EFNA2: variants seen among roughly 807,000 people sequenced by gnomAD.
The protein encoded by EFNA2 is ephrin A2, also known as ephrin-A2.
EFNA2 carries 18 observed loss-of-function variants against 19.7 expected under a neutral mutation model. The observed-to-expected ratio is 0.91, with a 90% CI of 0.63 to 1.35. The LOEUF is 1.35. EFNA2 is among the 40% of genes most tolerant of loss of function. The pLI is 0.00. For synonymous variants in EFNA2, 187 were observed against 137.8 expected (o/e 1.36, Z -2.50); for missense variants, 303 against 296.0 (o/e 1.02, Z -0.17).
intron 1 of EFNA2, among the ~76,000 whole-genome samples, chr19:1,288,847 TC>T (rs2081478158): frequency 6.6e-6 from 1 of 152,060 alleles, no homozygotes; most frequent in South Asian, 2.1e-4. Flanking sequence ...TCCAACCCAC[TC>T]CCCAACCTGG....
Position 1,294,605 on chromosome 19 carries a change from G to T in EFNA2, c.141-940G>T, listed in dbSNP as rs1411930754. Among the ~76,000 whole-genome samples, 1 of 152,084 alleles carries T rather than the reference G, an allele frequency of 6.6e-6. No individual in the cohort carries two copies. The highest frequency in any genetic ancestry group is 1.5e-5 in the Non-Finnish European group (1 of 68,002). On this transcript the variant is annotated intron_variant, in intron 1 of 3. Coordinates refer to ENST00000215368, the MANE Select transcript of EFNA2 (RefSeq NM_001405.4). The surrounding 1 kb of genome is among the most constrained non-coding windows in gnomAD (Gnocchi z 5.8). ...GGGTCACACAGGAAGGCAGGGGTGGGGCTGGGAGTGGAGCCCAGGATGTCT... is the reference window on the plus strand; with the variant it reads ...GGGTCACACAGGAAGGCAGGGGTGGTGCTGGGAGTGGAGCCCAGGATGTCT...
rs955141521 is a variant in EFNA2 at position 1,296,289 on chromosome 19, C to T, written c.454+431C>T. ...GGTTGGGCCAGTAGACCTGGCTCAGCCCCCCGATAGCGAGACCAGGGTGCC... is the reference window on the plus strand; with the variant it reads ...GGTTGGGCCAGTAGACCTGGCTCAGTCCCCCGATAGCGAGACCAGGGTGCC... On this transcript the variant is annotated intron_variant, in intron 2 of 3. Transcript: ENST00000215368. The surrounding 1 kb of genome is among the most constrained non-coding windows in gnomAD (Gnocchi z 4.4). Among the ~76,000 whole-genome samples, 3 of 152,136 alleles carry T rather than the reference C, an allele frequency of 2.0e-5. No individual in the cohort carries two copies. The highest frequency in any genetic ancestry group is 4.8e-5 in the African/African-American group (2 of 41,438).
upstream of EFNA2, among the ~76,000 whole-genome samples, chr19:1,284,282 T>C (rs1555757370): frequency 6.6e-6 from 1 of 152,236 alleles, no homozygotes; most frequent in Non-Finnish European, 1.5e-5. The surrounding 1 kb of genome is among the most constrained non-coding windows in gnomAD (Gnocchi z 5.3). Flanking sequence ...CCAGAGGGCC[T>C]GCCTCAGCCA....
chr19:1,289,240 C>T (rs966288533), intron 1 of EFNA2, among the ~76,000 whole-genome samples: 5 of 152,360 alleles, frequency 3.3e-5, no homozygotes, highest in Admixed American at 6.5e-5. Context: ...GTGGCACCCG[C>T]GTTTGCATGT....
At chr19:1,298,671 C>T in intron 3 of EFNA2, 55 bp downstream of exon 3, 1 of 1,589,930 alleles carries the variant, frequency 6.3e-7, no homozygotes, top group Non-Finnish European at 8.6e-7. Context: ...TGTCCTAAAC[C>T]CACAGAACCA....
In EFNA2 at chr19:1,298,612, G is replaced by C. The variant is rs377098217; in HGVS notation, c.516G>C (p.Pro172=). The C allele has an allele frequency of 1.9e-6, 3 of 1,613,836 alleles. No individual in the cohort carries two copies. The African/African-American group carries it at 4.0e-5, about 22-fold the overall frequency. Residue 172 remains proline, a synonymous_variant, in exon 3 of 4, where the codon CCG becomes CCC. Transcript: ENST00000215368. ...PCLRLKVYVR[P]TNETLYEAPE... Reference sequence around the variant, plus strand: ...TGCGACTGAAGGTGTACGTGCGGCCGACCAGTAAGTGCTCAGGGGGATGGG... The same window carrying C: ...TGCGACTGAAGGTGTACGTGCGGCCCACCAGTAAGTGCTCAGGGGGATGGG...
At position 1,287,825 on chromosome 19, in the gene EFNA2, G is replaced by A. The variant is rs543710816; in HGVS notation, c.140+1517G>A. 1.9e-4 allele frequency among the ~76,000 whole-genome samples: 29 copies of A among 152,362 alleles called. No homozygotes were observed. The highest frequency in any genetic ancestry group is 6.3e-4 in the African/African-American group (26 of 41,580). ...TTTGGTTTCAGCTGCGGAATCTCCCGTCCCCAGCGTGGCCTGTCCTTTGTT... is the reference window on the plus strand; with the variant it reads ...TTTGGTTTCAGCTGCGGAATCTCCCATCCCCAGCGTGGCCTGTCCTTTGTT... On this transcript the variant is annotated intron_variant, in intron 1 of 3. Transcript: ENST00000215368. This position sits in a 1 kb window ranked among gnomAD's most constrained non-coding sequence, Gnocchi z 6.2.
At chr19:1,290,518 C>T (rs1352037415) in intron 1 of EFNA2, among the ~76,000 whole-genome samples, 1 of 152,170 alleles carries the variant, frequency 6.6e-6, no homozygotes, top group African/African-American at 2.4e-5. Context: ...CTCGGGGTCA[C>T]GGCGGAGGCA....
intron 1 of EFNA2, among the ~76,000 whole-genome samples, chr19:1,293,762 C>T (rs763018643): frequency 2.2e-4 from 33 of 152,246 alleles, no homozygotes; most frequent in Non-Finnish European, 4.9e-4. Context: ...CCTCCGCCGC[C>T]CTGCCTTGAA....
At chr19:1,292,887 A>G (rs1442354739) in intron 1 of EFNA2, among the ~76,000 whole-genome samples, 2 of 152,132 alleles carry the variant, frequency 1.3e-5, no homozygotes, top group East Asian at 3.9e-4. Flanking sequence ...GGTCTCTGAC[A>G]TTTTACCGAA....
chr19:1,298,563 C>T lies in EFNA2; in HGVS notation c.467C>T (p.Pro156Leu). 1 of 1,614,016 alleles carries T rather than the reference C, an allele frequency of 6.2e-7. No homozygotes were observed. Among genetic ancestry groups the T allele is most frequent in the South Asian group, 1.1e-5 (1 of 91,062 alleles). ...CCCTCTCTTCTAGCTGCCACGCCTC[C>T]CAATGCTGTGGACCGGCCCTGCCTG... ...HEYYYISATP[P>L]NAVDRPCLRL... Residue 156 changes from proline to leucine, a missense_variant, in exon 3 of 4, where the codon CCC becomes CTC. Pro to Leu is a moderately conservative substitution (Grantham distance 98, BLOSUM62 -3). Coordinates refer to ENST00000215368, the MANE Select transcript of EFNA2 (RefSeq NM_001405.4).
intron 1 of EFNA2, among the ~76,000 whole-genome samples, chr19:1,289,810 G>A (rs1285479168): frequency 6.6e-6 from 1 of 152,310 alleles, no homozygotes; most frequent in Non-Finnish European, 1.5e-5. Context: ...AGGTGAACGG[G>A]GTGTCTCGCT....
chr19:1,285,567 T>C (rs2081459304), upstream of EFNA2, among the ~76,000 whole-genome samples: 1 of 151,972 alleles, frequency 6.6e-6, no homozygotes, highest in Non-Finnish European at 1.5e-5. This position sits in a 1 kb window ranked among gnomAD's most constrained non-coding sequence, Gnocchi z 4.1. Context: ...AGGCTGCGGA[T>C]AGCGCTGGAA....
chr19:1,287,623 C>T lies in EFNA2; in HGVS notation c.140+1315C>T, dbSNP rs1023134881. ...CAGGCCCACCCCCCACCCTGGTCAA[C>T]GGCCTCGGGTCGGGCCCTGGGGGCT... is the stretch of plus-strand genomic sequence containing the variant. On this transcript the variant is annotated intron_variant, in intron 1 of 3. Coordinates refer to ENST00000215368, the MANE Select transcript of EFNA2 (RefSeq NM_001405.4). The surrounding 1 kb of genome is among the most constrained non-coding windows in gnomAD (Gnocchi z 6.2). Among the ~76,000 whole-genome samples, 3 of 152,036 alleles carry T rather than the reference C, an allele frequency of 2.0e-5. No homozygotes were observed. Among genetic ancestry groups the T allele is most frequent in the Non-Finnish European group, 4.4e-5 (3 of 67,964 alleles).
upstream of EFNA2, among the ~76,000 whole-genome samples, chr19:1,285,346 C>T (rs190414648): frequency 1.1e-3 from 171 of 152,324 alleles, no homozygotes; most frequent in African/African-American, 3.8e-3. The surrounding 1 kb of genome is among the most constrained non-coding windows in gnomAD (Gnocchi z 4.1). Context: ...TACTATGCTC[C>T]CGGCACCCTT....
intron 1 of EFNA2, among the ~76,000 whole-genome samples, chr19:1,290,550 G>A (rs1286720277): frequency 6.6e-6 from 1 of 152,194 alleles, no homozygotes; most frequent in Non-Finnish European, 1.5e-5. Context: ...ATTCATGGGG[G>A]TCCGGGTGGT....
At position 1,298,627 on chromosome 19, in the gene EFNA2, A is replaced by AG. The variant is rs1243297553; in HGVS notation, c.520+16dup. The AG allele has an allele frequency of 6.2e-7, 1 of 1,613,574 alleles. No individual in the cohort carries two copies. Among genetic ancestry groups the AG allele is most frequent in the South Asian group, 1.1e-5 (1 of 90,944 alleles). On this transcript the variant is annotated intron_variant, in intron 3 of 3. Transcript: ENST00000215368. ...ACGTGCGGCCGACCAGTAAGTGCTC[A>AG]GGGGGATGGGCAGGATCCAGGCCCC...
intron 1 of EFNA2, among the ~76,000 whole-genome samples, chr19:1,288,770 G>A (rs2081477667): frequency 6.6e-6 from 1 of 152,148 alleles, no homozygotes; most frequent in Non-Finnish European, 1.5e-5. Flanking sequence ...CCGCTATAAG[G>A]TGGGGCCCCG....
chr19:1,287,081 C>T lies in EFNA2; in HGVS notation c.140+773C>T, dbSNP rs1453564263. Among the ~76,000 whole-genome samples the T allele has an allele frequency of 6.6e-6, 1 of 152,248 alleles. No individual in the cohort carries two copies. The highest frequency in any genetic ancestry group is 6.5e-5 in the Admixed American group (1 of 15,288). The stretch of plus-strand genomic sequence containing the variant: ...CGCCCGGCCGAGATGCCGCACCCGC[C>T]TGCTGCAGGCCCCCTTGTTTTGAAC... On this transcript the variant is annotated intron_variant, in intron 1 of 3. Coordinates refer to ENST00000215368, the MANE Select transcript of EFNA2 (RefSeq NM_001405.4). The surrounding 1 kb of genome is among the most constrained non-coding windows in gnomAD (Gnocchi z 6.2).
Sources: allele counts gnomAD v4.1 joint callset (sites outside exome capture counted in the v4.1 genomes callset), GRCh38; gene constraint gnomAD v4.1.1; non-coding constraint Gnocchi (gnomAD v3.1); transcripts MANE v1.5; gene names NCBI Gene and HGNC (gene_info 2026-07-23, HGNC 2026-07-21).